NMBR: variants seen among roughly 807,000 people sequenced by gnomAD.
NMBR encodes neuromedin B receptor, also known as neuromedin-B receptor.
Under a neutral mutation model 20.5 loss-of-function variants are expected in NMBR, and 16 were observed. The ratio of observed to expected loss-of-function variants is 0.78; its 90% confidence interval spans 0.53 to 1.19. The LOEUF (loss-of-function observed/expected upper bound fraction) is 1.19, where lower values mean the gene tolerates loss of function less well. NMBR is among the 50% of genes most tolerant of loss of function. The pLI, the probability that NMBR is intolerant of heterozygous loss-of-function variation, is 0.00. For missense variants in NMBR, 582 were observed against 499.1 expected (o/e 1.17, Z -1.58); for synonymous variants, 212 against 196.6 (o/e 1.08, Z -0.65).
intron 1 of NMBR, chr6:142,133,063 C>A: frequency 1.8e-6 from 1 of 565,348 alleles, no homozygotes. Flanking sequence ...TGTAAGAGTC[C>A]TGAGAGAATG....
chr6:142,137,821 A>AG lies in NMBR; in HGVS notation c.-664+9222dup, dbSNP rs199596255. On this transcript the variant is annotated intron_variant, in intron 1 of 3. Transcript: ENST00000258042. ...TTTATTGATTTGCGCATATTGAACCAGCCTTGCATCCCAGGGATGAAGCCC... is the reference window on the plus strand; with the variant it reads ...TTTATTGATTTGCGCATATTGAACCAGGCCTTGCATCCCAGGGATGAAGCCC... Among the ~76,000 whole-genome samples, 415 of 152,308 alleles carry AG rather than the reference A, an allele frequency of 2.7e-3. 8 individuals carry two copies. The highest frequency in any genetic ancestry group is 0.017 in the East Asian group (86 of 5,178).
intron 1 of NMBR, among the ~76,000 whole-genome samples, chr6:142,129,968 C>A (rs985234484): frequency 2.0e-5 from 3 of 152,096 alleles, no homozygotes; most frequent in African/African-American, 7.2e-5. Flanking sequence ...CCCTCCTACT[C>A]ACATTAATGC....
intron 1 of NMBR, among the ~76,000 whole-genome samples, chr6:142,130,125 G>A (rs893463721): frequency 6.6e-6 from 1 of 152,086 alleles, no homozygotes; most frequent in African/African-American, 2.4e-5. Flanking sequence ...CACCATCCAG[G>A]TGCTATGTAC....
chr6:142,127,043 G>A (rs1310634451), intron 1 of NMBR, among the ~76,000 whole-genome samples: 1 of 151,652 alleles, frequency 6.6e-6, no homozygotes, highest in Non-Finnish European at 1.5e-5. Flanking sequence ...GGCTTTTAGT[G>A]TCCTATCCAA....
chr6:142,133,146 C>A (rs1778174807), intron 1 of NMBR: 1 of 668,786 alleles, frequency 1.5e-6, no homozygotes, highest in Non-Finnish European at 2.7e-6. Flanking sequence ...GCCAGGATAA[C>A]ATCTCCTGAG....
intron 1 of NMBR, among the ~76,000 whole-genome samples, 83 bp downstream of exon 1, chr6:142,146,961 G>A (rs1405613215): frequency 6.6e-6 from 1 of 152,136 alleles, no homozygotes; most frequent in East Asian, 1.9e-4. Flanking sequence ...TTATTTTCTT[G>A]TTTTTCCTTT....
At position 142,075,899 on chromosome 6, in the gene NMBR, C is replaced by T. The variant is rs764602805; in HGVS notation, c.922G>A (p.Val308Ile). The stretch of plus-strand genomic sequence containing the variant: ...TTGCCAAAACTGAGAACCCGGGCAA[C>T]TAAGGTGACAATCATGTGGCCTAGA... ...PSLGHMIVTL[V>I]ARVLSFGNSC... The change falls in exon 4 of 4, where the codon GTT (valine) becomes ATT (isoleucine). Residue 308 changes from valine to isoleucine, a missense_variant. Physicochemically the swap from Val to Ile is conservative, Grantham distance 29. Transcript: ENST00000258042. 1.2e-6 allele frequency: 2 copies of T among 1,613,970 alleles called. No individual in the cohort carries two copies. The highest frequency in any genetic ancestry group is 3.3e-5 in the Admixed American group (2 of 59,990).
intron 2 of NMBR, 41 bp from the exon 3 acceptor site, chr6:142,078,944 G>T: frequency 3.2e-6 from 4 of 1,236,752 alleles, no homozygotes; most frequent in Admixed American, 3.0e-5. Context: ...AGAAAGAAAG[G>T]AAAGAAAAAA....
Position 142,124,074 on chromosome 6 carries a change from T to C in NMBR, c.-664+22970A>G, listed in dbSNP as rs554114467. On this transcript the variant is annotated intron_variant, in intron 1 of 3. Coordinates refer to ENST00000258042, the MANE Select transcript of NMBR (RefSeq NM_002511.4). ...CATATCAAGCAGTCTAGCCGAAAAA[T>C]TGGAGTCCCTGAAGACAGAAAGGGG... 4.0e-5 allele frequency among the ~76,000 whole-genome samples: 6 copies of C among 151,848 alleles called. No individual in the cohort carries two copies. In the South Asian group the frequency reaches 1.0e-3, roughly 26 times the overall value.
chr6:142,078,150 A>G (rs1776988961), intron 3 of NMBR, among the ~76,000 whole-genome samples: 1 of 152,150 alleles, frequency 6.6e-6, no homozygotes, highest in African/African-American at 2.4e-5. Context: ...TCCTTTCCTG[A>G]TGCATCCTTC....
chr6:142,106,876 T>C (rs540255086), intron 1 of NMBR, among the ~76,000 whole-genome samples: 3 of 152,330 alleles, frequency 2.0e-5, no homozygotes, highest in East Asian at 3.9e-4. Context: ...GCTTGTGATG[T>C]AAATTTAAAA....
chr6:142,112,663 T>C (rs1283497042), intron 1 of NMBR, among the ~76,000 whole-genome samples: 2 of 152,112 alleles, frequency 1.3e-5, no homozygotes, highest in Non-Finnish European at 2.9e-5. Context: ...TGAGTGCTGG[T>C]CACATTTTGT....
intron 1 of NMBR, among the ~76,000 whole-genome samples, chr6:142,095,547 C>T (rs922478627): frequency 3.9e-5 from 6 of 152,100 alleles, no homozygotes; most frequent in South Asian, 4.1e-4. Flanking sequence ...CTGCTGGATT[C>T]GGTTTGCTAG....
intron 1 of NMBR, among the ~76,000 whole-genome samples, chr6:142,101,763 G>A (rs948812603): frequency 6.6e-6 from 1 of 152,082 alleles, no homozygotes; most frequent in African/African-American, 2.4e-5. Flanking sequence ...TTCTCACTTA[G>A]ATGAGAGAAT....
chr6:142,078,624 A>G lies in NMBR; in HGVS notation c.702T>C (p.His234=). 6.2e-7 allele frequency: 1 copy of G among 1,613,228 alleles called. No individual in the cohort carries two copies. The highest frequency in any genetic ancestry group is 8.5e-7 in the Non-Finnish European group (1 of 1,179,298). ...CGCTTTTAATTAAGGTCTTTGCAATATGATAATAATAAATGCTAATAATAG... is the reference window on the plus strand; with the variant it reads ...CGCTTTTAATTAAGGTCTTTGCAATGTGATAATAATAAATGCTAATAATAG... ...PLAIISIYYY[H]IAKTLIKSAH... Residue 234 remains histidine (H), a synonymous_variant, in exon 3 of 4, where the codon CAT becomes CAC. Transcript: ENST00000258042.
chr6:142,128,311 A>C (rs1326035922), intron 1 of NMBR, among the ~76,000 whole-genome samples: 1 of 152,058 alleles, frequency 6.6e-6, no homozygotes, highest in Non-Finnish European at 1.5e-5. Flanking sequence ...TAAATTACCC[A>C]GTCTCCATTA....
rs1333595146 is a variant in NMBR, at chr6:142,075,776, T to C, written c.1045A>G (p.Arg349Gly). 6 of 1,613,948 alleles carry C rather than the reference T, an allele frequency of 3.7e-6. No individual in the cohort carries two copies. The highest frequency in any genetic ancestry group is 2.7e-5 in the African/African-American group (2 of 74,906). The change falls in exon 4 of 4, where the codon AGA becomes GGA. Residue 349 changes from arginine to glycine, a missense_variant. Coordinates refer to ENST00000258042, the MANE Select transcript of NMBR (RefSeq NM_002511.4). Reference sequence around the variant, plus strand: ...GAGCTGAGTAGGTAGCTGGTTCCTCTCTCTTGATAGGACTTCCTCCCACAG... The same window carrying C: ...GAGCTGAGTAGGTAGCTGGTTCCTCCCTCTTGATAGGACTTCCTCCCACAG... ...LCCGRKSYQE[R>G]GTSYLLSSSA...
intron 1 of NMBR, among the ~76,000 whole-genome samples, chr6:142,125,284 G>C (rs1339852084): frequency 6.6e-6 from 1 of 151,862 alleles, no homozygotes; most frequent in African/African-American, 2.4e-5. Flanking sequence ...AAATGGTAGA[G>C]AGGAAACATA....
intron 1 of NMBR, among the ~76,000 whole-genome samples, chr6:142,108,564 G>C (rs1348788186): frequency 6.6e-6 from 1 of 152,100 alleles, no homozygotes; most frequent in Non-Finnish European, 1.5e-5. Context: ...AGCAAAGGAG[G>C]AAAAGCCCCT....
Sources: allele counts gnomAD v4.1 joint callset (sites outside exome capture counted in the v4.1 genomes callset), GRCh38; gene constraint gnomAD v4.1.1; transcripts MANE v1.5; gene names NCBI Gene and HGNC (gene_info 2026-07-23, HGNC 2026-07-21).